The following ANGPTL1 variants were observed in gnomAD, a reference collection of about 807,000 sequenced individuals.
ANGPTL1 encodes the protein angiopoietin-related protein 1.
ANGPTL1 carries 36 observed loss-of-function variants against 46.7 expected under a neutral mutation model. The ratio of observed to expected loss-of-function variants is 0.77; its 90% confidence interval spans 0.59 to 1.02. The LOEUF is 1.02. Ranked by LOEUF, ANGPTL1 falls within the 50% of genes least tolerant of loss-of-function variation. The pLI is 0.00. For missense variants in ANGPTL1, 571 were observed against 594.7 expected (o/e 0.96, Z 0.41); for synonymous variants, 221 against 204.3 (o/e 1.08, Z -0.69).
rs1658707982 is a variant in ANGPTL1 at position 178,870,775 on chromosome 1, C to G, written c.-171G>C. 2.6e-5 allele frequency: 4 copies of G among 152,126 alleles called. No individual in the cohort carries two copies. The allele number at this position is 152,126 out of a possible 1,614,324, so 9.4% of individuals were successfully genotyped here. A position where few individuals can be genotyped will look rare whatever the true frequency, so the allele number is the denominator to read the frequency against. On this transcript the variant is annotated 5_prime_UTR_variant, in exon 1 of 6. Coordinates refer to ENST00000234816, the MANE Select transcript of ANGPTL1 (RefSeq NM_004673.4). ...TCTGTTGATTCAGTGAATCCAGAAA[C>G]TTGCTGCCCTTATTCTTGATTTTAA...
At chr1:178,866,890 A>G (rs1374584207) in intron 2 of ANGPTL1, among the ~76,000 whole-genome samples, 5 of 152,184 alleles carry the variant, frequency 3.3e-5, no homozygotes, top group Admixed American at 3.3e-4. Context: ...TTCAAGAGCC[A>G]AGACTTTTTC....
intron 3 of ANGPTL1, among the ~76,000 whole-genome samples, chr1:178,861,406 A>G (rs957116669): frequency 1.3e-5 from 2 of 151,850 alleles, no homozygotes; most frequent in South Asian, 4.1e-4. Flanking sequence ...GACTTTTGAC[A>G]TACTAAATCC....
Position 178,853,664 on chromosome 1 carries a change from C to G in ANGPTL1, c.947G>C (p.Gly316Ala), listed in dbSNP as rs1323544755. 3 of 1,612,560 alleles carry G rather than the reference C, an allele frequency of 1.9e-6. No individual in the cohort carries two copies. Among genetic ancestry groups the G allele is most frequent in the Non-Finnish European group, 2.5e-6 (3 of 1,179,310 alleles). ...QLWCENSLDP[G>A]GWTVIQKRTD... ...TCTTTTCTGAATAACAGTCCAACCC[C>G]CAGGGTCCAAACTGTTTTCACACCA... The change falls in exon 4 of 6, where the codon GGG (glycine) becomes GCG (alanine). Residue 316 changes from glycine (G) to alanine (A), a missense_variant. By Grantham distance (60) the Gly-to-Ala change is moderately conservative. Coordinates refer to ENST00000234816, the MANE Select transcript of ANGPTL1 (RefSeq NM_004673.4).
At chr1:178,862,181 A>C (rs542667633) in intron 3 of ANGPTL1, among the ~76,000 whole-genome samples, 3 of 152,094 alleles carry the variant, frequency 2.0e-5, no homozygotes, top group African/African-American at 7.2e-5. Context: ...CGAGGATATT[A>C]ATAATGATAA....
In ANGPTL1 at chr1:178,864,923, C is replaced by T. The variant is rs139129469; in HGVS notation, c.823+31G>A. ...AAGGCATAAAAATATAAACCTCATA[C>T]TCCCACTTTTTACAGTAAGAGGTAA... On this transcript the variant is annotated intron_variant, in intron 3 of 5. Coordinates refer to ENST00000234816, the MANE Select transcript of ANGPTL1 (RefSeq NM_004673.4). 2.3e-4 allele frequency: 322 copies of T among 1,376,504 alleles called. No homozygotes were observed. In the African/African-American group the frequency reaches 4.2e-3, roughly 18 times the overall value. 85.3% of individuals were successfully genotyped at this position (1,376,504 alleles called of 1,614,324 possible). A position where few individuals can be genotyped will look rare whatever the true frequency, so the allele number is the denominator to read the frequency against.
chr1:178,865,440 C>T lies in ANGPTL1; in HGVS notation c.337G>A (p.Val113Met). ...TTTCTCAGCAGCTTTACCTCATTCA[C>T]AATGTTTCCATCTACATCCACCACC... The part of the protein sequence containing the change: ...QLVVDVDGNI[V>M]NEVKLLRKES... Residue 113 changes from valine (V) to methionine (M), a missense_variant, in exon 3 of 6, where the codon GTG (valine) becomes ATG (methionine). Val to Met is a conservative substitution (Grantham distance 21). Coordinates refer to ENST00000234816, the MANE Select transcript of ANGPTL1 (RefSeq NM_004673.4). 6.2e-7 allele frequency: 1 copy of T among 1,614,052 alleles called. No homozygotes were observed. Among genetic ancestry groups the T allele is most frequent in the Non-Finnish European group, 8.5e-7 (1 of 1,180,010 alleles).
chr1:178,865,852 T>A, intron 2 of ANGPTL1, 50 bp from the exon 3 acceptor site: 1 of 1,128,072 alleles, frequency 8.9e-7, no homozygotes, highest in Non-Finnish European at 1.3e-6. Flanking sequence ...GAATTCATAT[T>A]AATCTATGTT....
chr1:178,864,437 C>G (rs972143822), intron 3 of ANGPTL1, among the ~76,000 whole-genome samples: 6 of 152,046 alleles, frequency 3.9e-5, no homozygotes, highest in African/African-American at 1.2e-4. Context: ...AACCCAGGAC[C>G]TGATTAGACT....
intron 3 of ANGPTL1, among the ~76,000 whole-genome samples, chr1:178,859,517 C>T (rs1322464864): frequency 1.3e-5 from 2 of 148,526 alleles, no homozygotes; most frequent in African/African-American, 5.0e-5. Context: ...AATTTTCCTG[C>T]CTCAGCCTCC....
chr1:178,863,030 C>G (rs1385782673), intron 3 of ANGPTL1, among the ~76,000 whole-genome samples: 1 of 152,192 alleles, frequency 6.6e-6, no homozygotes, highest in Non-Finnish European at 1.5e-5. Flanking sequence ...GCAGTAAATA[C>G]TGTTATTCCC....
At chr1:178,856,425 T>TTTTTTTC (rs1558152837) in intron 3 of ANGPTL1, among the ~76,000 whole-genome samples, 1 of 126,510 alleles carries the variant, frequency 7.9e-6, no homozygotes, top group East Asian at 2.3e-4. Flanking sequence ...TTTTTTTTTT[T>TTTTTTTC]TGAGAGATGA....
chr1:178,852,343 T>A (rs1401056958), intron 5 of ANGPTL1, among the ~76,000 whole-genome samples: 4 of 152,218 alleles, frequency 2.6e-5, no homozygotes, highest in Non-Finnish European at 5.9e-5. Flanking sequence ...TGTTCACTGT[T>A]ATATCCCTAG....
intron 3 of ANGPTL1, among the ~76,000 whole-genome samples, chr1:178,854,293 C>T (rs1354677630): frequency 6.6e-6 from 1 of 152,072 alleles, no homozygotes. Flanking sequence ...CTACATAATA[C>T]CCAAGTTACA....
At chr1:178,857,789 G>C (rs574881674) in intron 3 of ANGPTL1, among the ~76,000 whole-genome samples, 2 of 152,160 alleles carry the variant, frequency 1.3e-5, no homozygotes, top group South Asian at 4.2e-4. Flanking sequence ...CTTTTATTAG[G>C]TTATTTGCTT....
At position 178,852,731 on chromosome 1, in the gene ANGPTL1, T is replaced by C; in HGVS notation, c.1240A>G (p.Asn414Asp). The part of the protein sequence containing the change: ...GNAGDSMMWH[N>D]GKQFTTLDRD... ...TCCAGTGTGGTGAATTGTTTACCAT[T>C]ATGCCACATCATAGAATCCCCTGCA... Residue 414 changes from asparagine to aspartate, a missense_variant, in exon 5 of 6, where the codon AAT becomes GAT. Asn to Asp is a conservative substitution (Grantham distance 23). Coordinates refer to ENST00000234816, the MANE Select transcript of ANGPTL1 (RefSeq NM_004673.4). The C allele has an allele frequency of 6.2e-7, 1 of 1,613,900 alleles. No individual in the cohort carries two copies.
At chr1:178,859,919 A>G (rs900815819) in intron 3 of ANGPTL1, among the ~76,000 whole-genome samples, 3 of 149,428 alleles carry the variant, frequency 2.0e-5, no homozygotes, top group South Asian at 2.1e-4. Flanking sequence ...GGGTTTCGCC[A>G]TGTTAGCCAG....
intron 2 of ANGPTL1, among the ~76,000 whole-genome samples, chr1:178,866,011 A>G (rs1042525270): frequency 6.6e-6 from 1 of 152,162 alleles, no homozygotes; most frequent in African/African-American, 2.4e-5. Flanking sequence ...GTTTCAGAGA[A>G]TAACTCTTCC....
In ANGPTL1 at chr1:178,852,700, T is replaced by G. The variant is rs1387443625; in HGVS notation, c.1271A>C (p.Asp424Ala). 1 of 1,613,556 alleles carries G rather than the reference T, an allele frequency of 6.2e-7. No individual in the cohort carries two copies. The highest frequency in any genetic ancestry group is 8.5e-7 in the Non-Finnish European group (1 of 1,179,702). Reference protein sequence around the residue: ...NGKQFTTLDRDKDMYAGNCAH... With the variant: ...NGKQFTTLDRAKDMYAGNCAH... ...ATACTTACCTGCATACATATCTTTA[T>G]CTCTGTCCAGTGTGGTGAATTGTTT... Residue 424 changes from aspartate to alanine, a missense_variant, in exon 5 of 6, where the codon GAT becomes GCT. Physicochemically the swap from Asp to Ala is moderately radical, Grantham distance 126. Coordinates refer to ENST00000234816, the MANE Select transcript of ANGPTL1 (RefSeq NM_004673.4).
chr1:178,865,656 C>G lies in ANGPTL1; in HGVS notation c.121G>C (p.Asp41His). 5 of 1,614,062 alleles carry G rather than the reference C, an allele frequency of 3.1e-6. No individual in the cohort carries two copies. The highest frequency in any genetic ancestry group is 4.2e-6 in the Non-Finnish European group (5 of 1,179,976). Reference protein sequence around the residue: ...INQRRYPRATDGKEEAKKCAY... With the variant: ...INQRRYPRATHGKEEAKKCAY... Reference sequence around the variant, plus strand: ...CATTTCTTTGCTTCCTCTTTACCATCTGTGGCACGAGGGTATCTTCTCTGG... The same window carrying G: ...CATTTCTTTGCTTCCTCTTTACCATGTGTGGCACGAGGGTATCTTCTCTGG... The change falls in exon 3 of 6, where the codon GAT (aspartate) becomes CAT (histidine). Residue 41 changes from aspartate to histidine, a missense_variant. Coordinates refer to ENST00000234816, the MANE Select transcript of ANGPTL1 (RefSeq NM_004673.4).
Sources: gnomAD v4.1 joint callset for allele counts (sites outside exome capture counted in the v4.1 genomes callset) on GRCh38, gnomAD v4.1.1 for gene constraint, MANE v1.5 for transcripts, NCBI Gene and HGNC (gene_info 2026-07-23, HGNC 2026-07-21) for gene names.